Variants in UHRF1 observed in about 807,000 individuals in gnomAD.
UHRF1 encodes ubiquitin like with PHD and ring finger domains 1, also known as E3 ubiquitin-protein ligase UHRF1.
Under a neutral mutation model 96.5 loss-of-function variants are expected in UHRF1, and 9 were observed. That is an observed-to-expected ratio of 0.09 (90% CI 0.06 to 0.16). UHRF1 has a LOEUF of 0.16. Ranked by LOEUF, UHRF1 falls within the 10% of genes least tolerant of loss-of-function variation. UHRF1 has a pLI of 1.00. For synonymous variants in UHRF1, 455 were observed against 469.9 expected (o/e 0.97, Z 0.41); for missense variants, 626 against 1,131.1 (o/e 0.55, Z 6.40).
chr19:4,928,530 A>G (rs1444221308), intron 2 of UHRF1, among the ~76,000 whole-genome samples: 5 of 152,224 alleles, frequency 3.3e-5, no homozygotes, highest in African/African-American at 7.2e-5. Flanking sequence ...GGTTGAGCGC[A>G]TCAGGATAAA....
At chr19:4,926,120 T>C (rs1019445392) in intron 2 of UHRF1, among the ~76,000 whole-genome samples, 8 of 150,594 alleles carry the variant, frequency 5.3e-5, no homozygotes, top group Non-Finnish European at 1.2e-4. Flanking sequence ...GGTCTTGAAC[T>C]CCTGACCTCG....
At chr19:4,950,487 G>A in intron 11 of UHRF1, 124 bp from the exon 12 acceptor site, 1 of 1,028,552 alleles carries the variant, frequency 9.7e-7, no homozygotes, top group Non-Finnish European at 1.4e-6. Context: ...CAGGCGATCT[G>A]CCTACTTCAG....
chr19:4,944,531 A>G (rs2033506480), intron 9 of UHRF1, 81 bp downstream of exon 9: 7 of 1,512,410 alleles, frequency 4.6e-6, no homozygotes, highest in Admixed American at 3.4e-5. Context: ...GGCTTTGGCC[A>G]GCCAGGGGTC....
At chr19:4,932,613 G>A in intron 4 of UHRF1, 128 bp from the exon 5 acceptor site, 1 of 948,562 alleles carries the variant, frequency 1.1e-6, no homozygotes, top group Non-Finnish European at 1.6e-6. Flanking sequence ...CTCAACACCA[G>A]CATATAAGCC....
chr19:4,921,201 A>C (rs1427390512), intron 2 of UHRF1, among the ~76,000 whole-genome samples: 1 of 152,110 alleles, frequency 6.6e-6, no homozygotes, highest in Non-Finnish European at 1.5e-5. Context: ...GCACTTCGGG[A>C]GGCCAAGGCG....
intron 13 of UHRF1, among the ~76,000 whole-genome samples, chr19:4,953,108 C>A (rs1420409903): frequency 6.6e-6 from 1 of 152,144 alleles, no homozygotes; most frequent in Non-Finnish European, 1.5e-5. Flanking sequence ...AATGCGCTTA[C>A]CCCGACCCTG....
intron 2 of UHRF1, 150 bp downstream of exon 2, chr19:4,911,188 AC>A: frequency 6.9e-6 from 5 of 721,558 alleles, no homozygotes; most frequent in Non-Finnish European, 1.1e-5. Context: ...GTCCACAGAA[AC>A]CTCAAATGCC....
rs1211416027 is a variant in UHRF1, at chr19:4,938,012, G to A, written c.786-3516G>A. Among the ~76,000 whole-genome samples the A allele has an allele frequency of 2.6e-5, 4 of 152,046 alleles. No individual in the cohort carries two copies. The East Asian group carries it at 5.8e-4, about 22-fold the overall frequency. ...CTACTAAAAATACAAAAATTAGCTG[G>A]GCTTGGTGGTGTGCACCTGCAGCCC... is the stretch of plus-strand genomic sequence containing the variant. On this transcript the variant is annotated intron_variant, in intron 5 of 16. Coordinates refer to ENST00000650932, the MANE Select transcript of UHRF1 (RefSeq NM_001048201.3).
At chr19:4,903,545 C>T (rs888077285) in exon 1 of UHRF1, 2 of 152,136 alleles carry the variant, frequency 1.3e-5, no homozygotes, top group Non-Finnish European at 2.9e-5. Context: ...CTCTGTCAGC[C>T]AGACTGGAGT....
At chr19:4,945,693 C>T (rs892491065) in intron 9 of UHRF1, among the ~76,000 whole-genome samples, 168 bp from the exon 10 acceptor site, 5 of 150,812 alleles carry the variant, frequency 3.3e-5, no homozygotes, top group South Asian at 2.1e-4. Flanking sequence ...AGCTCAACTC[C>T]GGCCGTCTCT....
At chr19:4,941,433 C>T in intron 5 of UHRF1, 95 bp from the exon 6 acceptor site, 8 of 927,874 alleles carry the variant, frequency 8.6e-6, no homozygotes, top group Middle Eastern at 2.2e-4. Context: ...GAGCTGTTGC[C>T]CCAGGCATCC....
chr19:4,956,507 G>A (rs1480930051), intron 15 of UHRF1, among the ~76,000 whole-genome samples: 1 of 152,210 alleles, frequency 6.6e-6, no homozygotes, highest in Non-Finnish European at 1.5e-5. Flanking sequence ...CTTGCCACTT[G>A]GGGTGTTGGG....
chr19:4,910,954 C>T lies in UHRF1; in HGVS notation c.69C>T (p.Thr23=). 6.2e-7 allele frequency: 1 copy of T among 1,613,632 alleles called. No homozygotes were observed. Among genetic ancestry groups the T allele is most frequent in the Non-Finnish European group, 8.5e-7 (1 of 1,179,682 alleles). ...CGGTGGACTCGCTGTCCAGGCTGAC[C>T]AAGGTGGAGGAGCTGAGGCGGAAGA... ...THTVDSLSRL[T]KVEELRRKIQ... The change falls in exon 2 of 17, where the codon ACC becomes ACT. Residue 23 remains threonine, a synonymous_variant. Transcript: ENST00000650932.
At chr19:4,951,238 C>G (rs1236036889) in intron 13 of UHRF1, among the ~76,000 whole-genome samples, 2 of 152,160 alleles carry the variant, frequency 1.3e-5, no homozygotes, top group Non-Finnish European at 2.9e-5. Context: ...TGCACTGCAG[C>G]CTGGGTGACA....
upstream of UHRF1, among the ~76,000 whole-genome samples, chr19:4,906,632 A>C (rs1309663592): frequency 6.6e-6 from 1 of 152,172 alleles, no homozygotes; most frequent in Non-Finnish European, 1.5e-5. Flanking sequence ...GCGGACCTCT[A>C]GTTCCTGCTA....
intron 16 of UHRF1, among the ~76,000 whole-genome samples, chr19:4,959,587 C>T (rs765853520): frequency 5.3e-5 from 8 of 152,224 alleles, no homozygotes; most frequent in Non-Finnish European, 1.2e-4. Context: ...GCTCTGTCTT[C>T]TCCTGGCTTT....
chr19:4,945,412 C>T (rs143718631), intron 9 of UHRF1, among the ~76,000 whole-genome samples: 32 of 152,260 alleles, frequency 2.1e-4, no homozygotes, highest in African/African-American at 7.5e-4. Flanking sequence ...GGACATGCCA[C>T]CACGCCCAGC....
upstream of UHRF1, among the ~76,000 whole-genome samples, chr19:4,907,041 C>G (rs939015671): frequency 2.0e-5 from 3 of 152,176 alleles, no homozygotes; most frequent in Non-Finnish European, 4.4e-5. Context: ...ATCTGGACAT[C>G]GTGGATTAGA....
intron 3 of UHRF1, 106 bp downstream of exon 3, chr19:4,929,582 C>G: frequency 4.1e-6 from 6 of 1,471,654 alleles, no homozygotes; most frequent in Non-Finnish European, 5.5e-6. Context: ...GCCTCTCTAG[C>G]TCTGGCTGGG....
Sources: allele counts gnomAD v4.1 joint callset (sites outside exome capture counted in the v4.1 genomes callset), GRCh38; gene constraint gnomAD v4.1.1; transcripts MANE v1.5; gene names NCBI Gene and HGNC (gene_info 2026-07-23, HGNC 2026-07-21).